Variants in CPD observed in about 807,000 individuals in gnomAD.
CPD encodes the protein carboxypeptidase D, also known as metallocarboxypeptidase D.
Under a neutral mutation model 138.3 loss-of-function variants are expected in CPD, and 69 were observed. That is an observed-to-expected ratio of 0.50 (90% CI 0.41 to 0.61). The LOEUF (loss-of-function observed/expected upper bound fraction) is 0.61. Ranked by LOEUF, CPD falls within the 20% of genes least tolerant of loss-of-function variation. The pLI, the probability that CPD is intolerant of heterozygous loss-of-function variation, is 0.00. For synonymous variants in CPD, 651 were observed against 642.1 expected, an observed-to-expected ratio of 1.01 and a Z score of -0.21; for missense variants, 1,432 against 1,733.3, an observed-to-expected ratio of 0.83 and a Z score of 3.09.
intron 7 of CPD, 42 bp downstream of exon 7, chr17:30,427,600 G>T: frequency 6.4e-7 from 1 of 1,561,788 alleles, no homozygotes; most frequent in South Asian, 1.1e-5. Context: ...CTTGTTGAGA[G>T]CATTTGGAAA....
chr17:30,430,381 C>T (rs980094615), intron 7 of CPD, among the ~76,000 whole-genome samples: 4 of 152,210 alleles, frequency 2.6e-5, no homozygotes, highest in African/African-American at 7.2e-5. Context: ...AAATGGAATC[C>T]TATAACATGT....
At chr17:30,408,683 C>G (rs980590219) in intron 2 of CPD, among the ~76,000 whole-genome samples, 1 of 151,692 alleles carries the variant, frequency 6.6e-6, no homozygotes, top group Non-Finnish European at 1.5e-5. Context: ...GCTGAAGTTG[C>G]TTATCAGCTT....
rs1381167334 is a variant in CPD at position 30,465,433 on chromosome 17, G to C, written c.*619G>C. ...TAGATCGGAACTGGTAGACTACGCT[G>C]TAAGCAGGATTTCACTACCTCTCTT... On this transcript the variant is annotated 3_prime_UTR_variant, in exon 21 of 21. Coordinates refer to ENST00000225719, the MANE Select transcript of CPD (RefSeq NM_001304.5). The C allele has an allele frequency of 6.5e-6, 1 of 152,800 alleles. No individual in the cohort carries two copies. The allele number at this position is 152,800 out of a possible 1,614,324, so 9.5% of individuals were successfully genotyped here. A position where few individuals can be genotyped will look rare whatever the true frequency, so the allele number is the denominator to read the frequency against.
At chr17:30,459,119 T>G (rs1913382864) in intron 17 of CPD, among the ~76,000 whole-genome samples, 1 of 149,552 alleles carries the variant, frequency 6.7e-6, no homozygotes, top group Non-Finnish European at 1.5e-5. Flanking sequence ...TCCATTGGTC[T>G]ATATGTTTGC....
intron 2 of CPD, among the ~76,000 whole-genome samples, chr17:30,411,735 G>C (rs1049508831): frequency 3.3e-5 from 5 of 152,164 alleles, no homozygotes; most frequent in Non-Finnish European, 5.9e-5. Context: ...TCTCTACACT[G>C]TTTATTCTAG....
intron 18 of CPD, 86 bp from the exon 19 acceptor site, chr17:30,461,791 G>T: frequency 2.9e-6 from 3 of 1,047,972 alleles, no homozygotes; most frequent in Non-Finnish European, 4.1e-6. Flanking sequence ...TGTTTGTTTG[G>T]TTGGTTTTGG....
intron 13 of CPD, chr17:30,450,229 T>G (rs1913132072): frequency 6.7e-6 from 1 of 148,438 alleles, no homozygotes. Context: ...GCTAATTTTT[T>G]TATATTTTTG....
At chr17:30,453,568 G>C (rs1280578369) in intron 14 of CPD, among the ~76,000 whole-genome samples, 1 of 152,164 alleles carries the variant, frequency 6.6e-6, no homozygotes, top group African/African-American at 2.4e-5. Flanking sequence ...TTTTCCAGGG[G>C]CATGGTGCAA....
chr17:30,459,407 G>A (rs1913406039), intron 17 of CPD, among the ~76,000 whole-genome samples: 1 of 149,512 alleles, frequency 6.7e-6, no homozygotes, highest in Non-Finnish European at 1.5e-5. Context: ...GGTGTGTGAT[G>A]TTCCCCTTCC....
At chr17:30,391,346 C>A (rs555651622) in intron 2 of CPD, among the ~76,000 whole-genome samples, 1 of 151,994 alleles carries the variant, frequency 6.6e-6, no homozygotes, top group Non-Finnish European at 1.5e-5. Flanking sequence ...GAGGCCAAGG[C>A]GGGAGGATCT....
chr17:30,403,124 T>G (rs188750613), intron 2 of CPD, among the ~76,000 whole-genome samples: 1 of 152,120 alleles, frequency 6.6e-6, no homozygotes, highest in East Asian at 1.9e-4. Flanking sequence ...TAAAATAAAA[T>G]AAAAATAATA....
At chr17:30,425,835 T>C (rs1206074295) in intron 6 of CPD, among the ~76,000 whole-genome samples, 1 of 152,170 alleles carries the variant, frequency 6.6e-6, no homozygotes, top group Non-Finnish European at 1.5e-5. Flanking sequence ...AGATAATGGT[T>C]TTACCTCTCT....
intron 2 of CPD, among the ~76,000 whole-genome samples, chr17:30,398,595 T>C (rs1911571882): frequency 6.6e-6 from 1 of 152,010 alleles, no homozygotes; most frequent in African/African-American, 2.4e-5. Flanking sequence ...TTTGGGTAAG[T>C]AGGTTTTGTG....
At chr17:30,389,671 G>A (rs75246749) in intron 2 of CPD, among the ~76,000 whole-genome samples, 8 of 152,180 alleles carry the variant, frequency 5.3e-5, no homozygotes, top group African/African-American at 1.4e-4. Flanking sequence ...ACAAAACGTA[G>A]GTGTACTTTG....
At chr17:30,431,938 T>A (rs1912577097) in intron 8 of CPD, 57 bp downstream of exon 8, 1 of 1,201,900 alleles carries the variant, frequency 8.3e-7, no homozygotes. Context: ...TTTAAAAATA[T>A]GCTTTAAAGT....
At position 30,445,935 on chromosome 17, in the gene CPD, CTT is replaced by C. The variant is rs1913017655; in HGVS notation, c.2790_2791del (p.Tyr931SerfsTer33). On this transcript the variant is annotated frameshift_variant, in exon 12 of 21. Coordinates refer to ENST00000225719, the MANE Select transcript of CPD (RefSeq NM_001304.5). LOFTEE classifies it high-confidence loss of function. ...CTCCTCCTCAAATCTGGCTCTGGCT[CTT>C]TATCGATACCATTCCTACAAAGACT... ...LRSSSNLALA[L>X]YRYHSYKDLS... The C allele has an allele frequency of 2.5e-6, 4 of 1,614,060 alleles. No individual in the cohort carries two copies. Among genetic ancestry groups the C allele is most frequent in the African/African-American group, 1.3e-5 (1 of 75,002 alleles).
chr17:30,469,495 A>T lies in CPD; in HGVS notation c.*4681A>T, dbSNP rs1913730462. The T allele has an allele frequency of 6.6e-6, 1 of 152,230 alleles. No individual in the cohort carries two copies. The highest frequency in any genetic ancestry group is 1.5e-5 in the Non-Finnish European group (1 of 68,024). The allele number at this position is 152,230 out of a possible 1,614,324, so 9.4% of individuals were successfully genotyped here. A position where few individuals can be genotyped will look rare whatever the true frequency, so the allele number is the denominator to read the frequency against. ...GTCCCAACATAATATTTGACTTGGA[A>T]TTGAATGCCCATGGTAACCAGCATC... On this transcript the variant is annotated 3_prime_UTR_variant, in exon 21 of 21. Transcript: ENST00000225719.
chr17:30,390,339 G>A (rs1404103633), intron 2 of CPD, among the ~76,000 whole-genome samples: 1 of 152,130 alleles, frequency 6.6e-6, no homozygotes, highest in Non-Finnish European at 1.5e-5. Context: ...GATGTTCTAT[G>A]TGATATATTT....
chr17:30,395,516 T>C lies in CPD; in HGVS notation c.994+10280T>C, dbSNP rs1359512019. Among the ~76,000 whole-genome samples the C allele has an allele frequency of 2.6e-5, 4 of 152,086 alleles. No individual in the cohort carries two copies. The East Asian group carries it at 7.7e-4, about 29-fold the overall frequency. ...GAGTCACGAGTTGGCTTTAGTAAAT[T>C]GAAGCATAACCTAGTATAAAGACTG... On this transcript the variant is annotated intron_variant, in intron 2 of 20. Transcript: ENST00000225719.
Sources: allele counts gnomAD v4.1 joint callset (sites outside exome capture counted in the v4.1 genomes callset), GRCh38; gene constraint gnomAD v4.1.1; transcripts MANE v1.5; gene names NCBI Gene and HGNC (gene_info 2026-07-23, HGNC 2026-07-21).